Variants in RPS6KA2 observed in about 807,000 individuals in gnomAD.
RPS6KA2 encodes the protein ribosomal protein S6 kinase alpha-2.
RPS6KA2 carries 42 observed loss-of-function variants against 91.8 expected under a neutral mutation model. The observed-to-expected ratio is 0.46, with a 90% CI of 0.36 to 0.59. RPS6KA2 has a LOEUF of 0.59. Among genes scored for constraint, RPS6KA2 ranks in the 20% least tolerant of loss-of-function variants. The probability of loss-of-function intolerance (pLI) is 0.00; values close to 1 mark genes in which losing one functional copy is unlikely to be tolerated. For synonymous variants in RPS6KA2, 414 were observed against 393.6 expected (o/e 1.05, Z -0.61); for missense variants, 798 against 978.5 (o/e 0.82, Z 2.46).
intron 2 of RPS6KA2, among the ~76,000 whole-genome samples, chr6:166,634,162 G>A (rs537439287): frequency 6.6e-6 from 1 of 152,328 alleles, no homozygotes; most frequent in Admixed American, 6.5e-5. Flanking sequence ...AGTTCTCCTG[G>A]CAGCAGGGTG....
chr6:166,766,837 T>A (rs1360525566), intron 2 of RPS6KA2, among the ~76,000 whole-genome samples: 1 of 152,240 alleles, frequency 6.6e-6, no homozygotes, highest in African/African-American at 2.4e-5. Context: ...GTGCTCCTTT[T>A]TAGCTGCTGG....
At chr6:166,668,168 G>A (rs764630954) in intron 2 of RPS6KA2, among the ~76,000 whole-genome samples, 4 of 152,080 alleles carry the variant, frequency 2.6e-5, no homozygotes, top group Non-Finnish European at 4.4e-5. Context: ...TGCAAGCGAG[G>A]TTTGGTTTCC....
intron 11 of RPS6KA2, among the ~76,000 whole-genome samples, chr6:166,460,203 C>T (rs112917321): frequency 6.6e-6 from 1 of 152,238 alleles, no homozygotes; most frequent in Non-Finnish European, 1.5e-5. Flanking sequence ...CCCATGCCCC[C>T]TCTGGGCCCA....
At chr6:166,597,516 A>G (rs1785576700) in intron 1 of RPS6KA2, among the ~76,000 whole-genome samples, 1 of 152,192 alleles carries the variant, frequency 6.6e-6, no homozygotes, top group Admixed American at 6.5e-5. Flanking sequence ...GAGGAAGAGC[A>G]TCTCTTCTTC....
chr6:166,554,616 G>C lies in RPS6KA2; in HGVS notation c.100-15832C>G, dbSNP rs75654577. Among the ~76,000 whole-genome samples, 21 of 152,342 alleles carry C rather than the reference G, an allele frequency of 1.4e-4. No homozygotes were observed. Among genetic ancestry groups the C allele is most frequent in the East Asian group, 1.9e-4 (1 of 5,170 alleles). ...GCGGCTGGCACGCGGGTGGCCATGG[G>C]GGGGTGGGGGTCCCACTCCAGCACA... On this transcript the variant is annotated intron_variant, in intron 1 of 20. Transcript: ENST00000265678. The surrounding 1 kb of genome is among the most constrained non-coding windows in gnomAD (Gnocchi z 4.3).
At position 166,517,544 on chromosome 6, in the gene RPS6KA2, C is replaced by T. The variant is rs9459687; in HGVS notation, c.299-7187G>A. Among the ~76,000 whole-genome samples the T allele has an allele frequency of 3.3e-3, 473 of 144,008 alleles. 4 individuals carry two copies. The highest frequency in any genetic ancestry group is 0.011 in the African/African-American group (428 of 37,688). The allele number at this position is 144,008 out of a possible 152,430, so 94.5% of individuals were successfully genotyped here. A position where few individuals can be genotyped will look rare whatever the true frequency, so the allele number is the denominator to read the frequency against. On this transcript the variant is annotated intron_variant, in intron 3 of 20. Coordinates refer to ENST00000265678, the MANE Select transcript of RPS6KA2 (RefSeq NM_021135.6). ...ACTGCGGACTGCAGTGGCGCAATCT[C>T]GGCTCACTGCAAGCTCCTCTTCCCG... is the stretch of plus-strand genomic sequence containing the variant.
At chr6:166,596,013 A>G (rs1165244802) in intron 1 of RPS6KA2, among the ~76,000 whole-genome samples, 1 of 152,246 alleles carries the variant, frequency 6.6e-6, no homozygotes, top group Non-Finnish European at 1.5e-5. Context: ...AAATCTTTGA[A>G]GAGTCATTGG....
At chr6:166,471,144 C>T (rs908630399) in intron 10 of RPS6KA2, among the ~76,000 whole-genome samples, 27 of 152,360 alleles carry the variant, frequency 1.8e-4, no homozygotes, top group African/African-American at 6.0e-4. Context: ...TATGCCCCTT[C>T]GTGGAGCCCC....
chr6:166,432,994 C>CAA (rs397728789), intron 14 of RPS6KA2, among the ~76,000 whole-genome samples: 3,930 of 82,626 alleles, frequency 0.048, 215 homozygotes, highest in African/African-American at 0.13. Context: ...GACTCTGTCT[C>CAA]AAAAAAAAAA....
At chr6:166,560,650 GAA>G (rs1290547547) in intron 1 of RPS6KA2, among the ~76,000 whole-genome samples, 1 of 151,828 alleles carries the variant, frequency 6.6e-6, no homozygotes, top group Non-Finnish European at 1.5e-5. Flanking sequence ...GGGTGGTCGC[GAA>G]ACTCCAAGGC....
intron 1 of RPS6KA2, among the ~76,000 whole-genome samples, chr6:166,606,889 C>T (rs1202913596): frequency 6.6e-6 from 1 of 152,088 alleles, no homozygotes; most frequent in Admixed American, 6.6e-5. Flanking sequence ...GCCTGTAATC[C>T]CAGTACTTTG....
chr6:166,418,387 A>G lies in RPS6KA2; in HGVS notation c.1821-45T>C, dbSNP rs778029280. On this transcript the variant is annotated intron_variant, in intron 18 of 20. Coordinates refer to ENST00000265678, the MANE Select transcript of RPS6KA2 (RefSeq NM_021135.6). This position sits in a 1 kb window ranked among gnomAD's most constrained non-coding sequence, Gnocchi z 4.9. ...TGTGGTAATGAGCTTGTATTTTACA[A>G]CCTAAAATAAAGTTTGCAAGTTGAT... 94 of 1,450,784 alleles carry G rather than the reference A, an allele frequency of 6.5e-5. 1 individual carries two copies. The Admixed American group carries it at 1.6e-3, about 25-fold the overall frequency. The allele number at this position is 1,450,784 out of a possible 1,614,324, so 89.9% of individuals were successfully genotyped here. A position where few individuals can be genotyped will look rare whatever the true frequency, so the allele number is the denominator to read the frequency against.
At chr6:166,797,119 G>GA (rs1379792381) in intron 2 of RPS6KA2, among the ~76,000 whole-genome samples, 1 of 152,158 alleles carries the variant, frequency 6.6e-6, no homozygotes, top group Non-Finnish European at 1.5e-5. Flanking sequence ...CCCTGGGTTG[G>GA]AAAAACTCCG....
chr6:166,419,434 G>C lies in RPS6KA2; in HGVS notation c.1820+448C>G, dbSNP rs773993757. Reference sequence around the variant, plus strand: ...GGATGGCAGGCCCAGGCCACTTTCTGTAACACCACGTGTCTTACCACAATG... The same window carrying C: ...GGATGGCAGGCCCAGGCCACTTTCTCTAACACCACGTGTCTTACCACAATG... On this transcript the variant is annotated intron_variant, in intron 18 of 20. Coordinates refer to ENST00000265678, the MANE Select transcript of RPS6KA2 (RefSeq NM_021135.6). This position sits in a 1 kb window ranked among gnomAD's most constrained non-coding sequence, Gnocchi z 5.6. Among the ~76,000 whole-genome samples, 2 of 152,188 alleles carry C rather than the reference G, an allele frequency of 1.3e-5. No homozygotes were observed. Among genetic ancestry groups the C allele is most frequent in the Non-Finnish European group, 2.9e-5 (2 of 68,048 alleles).
Position 166,490,690 on chromosome 6 carries a change from T to A in RPS6KA2, c.799A>T (p.Thr267Ser). ...ACTCACTTGAGGATGAGAGCCATGG[T>A]CTCCTTCCTGTCCTTCCCCTGGAAC... ...LPFQGKDRKE[T>S]MALILKAKLG... The change falls in exon 9 of 21, where the codon ACC becomes TCC. Residue 267 changes from threonine (T) to serine (S), a missense_variant. Transcript: ENST00000265678. This position sits in a 1 kb window ranked among gnomAD's most constrained non-coding sequence, Gnocchi z 4.2. The A allele has an allele frequency of 6.2e-7, 1 of 1,612,162 alleles. No homozygotes were observed. Among genetic ancestry groups the A allele is most frequent in the Non-Finnish European group, 8.5e-7 (1 of 1,179,060 alleles).
intron 2 of RPS6KA2, among the ~76,000 whole-genome samples, chr6:166,846,851 C>G (rs1780619146): frequency 6.6e-6 from 1 of 152,106 alleles, no homozygotes; most frequent in Admixed American, 6.5e-5. Context: ...TACTGGAAGT[C>G]CTAGCCAGAA....
At position 166,533,212 on chromosome 6, in the gene RPS6KA2, A is replaced by G. The variant is rs967286906; in HGVS notation, c.217-1899T>C. Among the ~76,000 whole-genome samples, 2 of 152,226 alleles carry G rather than the reference A, an allele frequency of 1.3e-5. No individual in the cohort carries two copies. The highest frequency in any genetic ancestry group is 6.5e-5 in the Admixed American group (1 of 15,292). On this transcript the variant is annotated intron_variant, in intron 2 of 20. Coordinates refer to ENST00000265678, the MANE Select transcript of RPS6KA2 (RefSeq NM_021135.6). The surrounding 1 kb of genome is among the most constrained non-coding windows in gnomAD (Gnocchi z 4.0). ...AAAGTCACATGCCATGCACAGTTTTAGCTTCCATCTGATGCAACTCCTTTC... is the reference window on the plus strand; with the variant it reads ...AAAGTCACATGCCATGCACAGTTTTGGCTTCCATCTGATGCAACTCCTTTC...
At chr6:166,854,044 T>G (rs1780822000) in intron 2 of RPS6KA2, among the ~76,000 whole-genome samples, 1 of 152,252 alleles carries the variant, frequency 6.6e-6, no homozygotes, top group African/African-American at 2.4e-5. Context: ...CTGCTGGGTT[T>G]TGTGGTTGTT....
chr6:166,490,518 T>C lies in RPS6KA2; in HGVS notation c.818+153A>G, dbSNP rs1440696353. On this transcript the variant is annotated intron_variant, in intron 9 of 20. Coordinates refer to ENST00000265678, the MANE Select transcript of RPS6KA2 (RefSeq NM_021135.6). This position sits in a 1 kb window ranked among gnomAD's most constrained non-coding sequence, Gnocchi z 4.2. ...GGCGGACGAGCGCTACCATTTTGTG[T>C]AAAACCAGTGACTTTTAGAAAACAG... is the stretch of plus-strand genomic sequence containing the variant. Among the ~76,000 whole-genome samples, 4 of 152,346 alleles carry C rather than the reference T, an allele frequency of 2.6e-5. No homozygotes were observed. The highest frequency in any genetic ancestry group is 4.1e-4 in the South Asian group (2 of 4,834).
Sources: gnomAD v4.1 joint callset for allele counts (sites outside exome capture counted in the v4.1 genomes callset) on GRCh38, gnomAD v4.1.1 for gene constraint, Gnocchi (gnomAD v3.1) non-coding constraint, MANE v1.5 for transcripts, NCBI Gene and HGNC (gene_info 2026-07-23, HGNC 2026-07-21) for gene names.